SLC44A3: variants seen among roughly 807,000 people sequenced by gnomAD.
SLC44A3 encodes choline transporter-like protein 3.
In SLC44A3, 74 loss-of-function variants were observed where a neutral mutation model predicts 75.4. The ratio of observed to expected loss-of-function variants is 0.98; its 90% CI spans 0.81 to 1.19. The LOEUF is 1.19. Among genes scored for constraint, SLC44A3 ranks in the 50% most tolerant of loss-of-function variants. The probability of loss-of-function intolerance (pLI) is 0.00; values close to 1 mark genes in which losing one functional copy is unlikely to be tolerated. For missense variants in SLC44A3, 700 were observed against 778.6 expected, an observed-to-expected ratio of 0.90 and a Z score of 1.20; for synonymous variants, 310 against 296.9, an observed-to-expected ratio of 1.04 and a Z score of -0.45.
intron 9 of SLC44A3, among the ~76,000 whole-genome samples, chr1:94,848,815 T>C (rs1296919810): frequency 6.6e-6 from 1 of 152,072 alleles, no homozygotes; most frequent in Admixed American, 6.6e-5. Flanking sequence ...TGGGGAGCTA[T>C]GGGAACACCA....
intron 12 of SLC44A3, among the ~76,000 whole-genome samples, chr1:94,884,645 C>T (rs572238217): frequency 1.3e-5 from 2 of 152,264 alleles, no homozygotes; most frequent in African/African-American, 4.8e-5. Context: ...CTTCCCTCCA[C>T]TACGGAGGGA....
chr1:94,847,747 G>A (rs1664603342), intron 9 of SLC44A3, among the ~76,000 whole-genome samples: 1 of 152,200 alleles, frequency 6.6e-6, no homozygotes, highest in Non-Finnish European at 1.5e-5. Context: ...CAGTCCCCGT[G>A]TGATGTGGGT....
At position 94,827,646 on chromosome 1, in the gene SLC44A3, A is replaced by G; in HGVS notation, c.415+3A>G. On this transcript the variant is annotated splice_donor_region_variant and intron_variant, in intron 4 of 14. Coordinates refer to ENST00000271227, the MANE Select transcript of SLC44A3 (RefSeq NM_001114106.3). ...CCAGTTCTTTGCAAACACCAGTGGTAGGCACTAAGGCCTGGTTTGTTCTTT... is the reference window on the plus strand; with the variant it reads ...CCAGTTCTTTGCAAACACCAGTGGTGGGCACTAAGGCCTGGTTTGTTCTTT... 1 of 1,614,100 alleles carries G rather than the reference A, an allele frequency of 6.2e-7. No homozygotes were observed. The highest frequency in any genetic ancestry group is 1.1e-5 in the South Asian group (1 of 91,076).
intron 5 of SLC44A3, among the ~76,000 whole-genome samples, chr1:94,831,626 A>T (rs995799350): frequency 2.0e-5 from 3 of 152,196 alleles, no homozygotes; most frequent in African/African-American, 7.2e-5. Context: ...TCAACATGGT[A>T]ATGTATTTTG....
At chr1:94,894,553 CT>C (rs1226984471) in intron 14 of SLC44A3, among the ~76,000 whole-genome samples, 2 of 152,210 alleles carry the variant, frequency 1.3e-5, no homozygotes, top group East Asian at 3.9e-4. Flanking sequence ...TTAAACTCCC[CT>C]AAAAGTAATT....
rs1661063241 is a variant in SLC44A3 at position 94,824,640 on chromosome 1, G to A, written c.278+5G>A. On this transcript the variant is annotated splice_donor_5th_base_variant and intron_variant, in intron 3 of 14. Coordinates refer to ENST00000271227, the MANE Select transcript of SLC44A3 (RefSeq NM_001114106.3). ...GCAGGACATGACCCTAAAAAAGTAA[G>A]TATCTAAATAAGTCCCCAGTCTGTA... 1 of 1,570,530 alleles carries A rather than the reference G, an allele frequency of 6.4e-7. No individual in the cohort carries two copies. The highest frequency in any genetic ancestry group is 8.6e-7 in the Non-Finnish European group (1 of 1,163,954).
intron 8 of SLC44A3, among the ~76,000 whole-genome samples, chr1:94,843,894 G>A (rs940199397): frequency 1.3e-5 from 2 of 152,002 alleles, no homozygotes; most frequent in African/African-American, 4.8e-5. Flanking sequence ...GGGTGGTCAG[G>A]GAGGTTAAAT....
intron 1 of SLC44A3, 193 bp from the exon 2 acceptor site, chr1:94,820,756 G>T (rs993446914): frequency 2.1e-6 from 3 of 1,397,186 alleles, no homozygotes; most frequent in Non-Finnish European, 2.8e-6. Context: ...CTTAACATCC[G>T]CTCCGCGCAG....
chr1:94,839,925 A>G (rs748208307), intron 6 of SLC44A3, 23 bp from the exon 7 acceptor site: 5 of 1,573,088 alleles, frequency 3.2e-6, no homozygotes, highest in East Asian at 4.5e-5. Context: ...ATTGAGGTTT[A>G]TGTGTTTTGC....
chr1:94,860,205 A>G (rs2101336931), intron 10 of SLC44A3, among the ~76,000 whole-genome samples: 1 of 152,300 alleles, frequency 6.6e-6, no homozygotes, highest in Admixed American at 6.5e-5. Flanking sequence ...ATGTATTGCT[A>G]GGATCCCCTC....
chr1:94,843,895 G>A (rs1165741572), intron 8 of SLC44A3, among the ~76,000 whole-genome samples: 4 of 151,924 alleles, frequency 2.6e-5, no homozygotes, highest in Non-Finnish European at 5.9e-5. Flanking sequence ...GGTGGTCAGG[G>A]AGGTTAAATG....
intron 12 of SLC44A3, among the ~76,000 whole-genome samples, chr1:94,876,086 G>T (rs1463728586): frequency 6.6e-6 from 1 of 152,222 alleles, no homozygotes; most frequent in Admixed American, 6.5e-5. Context: ...GTTATTGTGT[G>T]CAGTGGACAC....
chr1:94,827,648 G>A lies in SLC44A3; in HGVS notation c.415+5G>A, dbSNP rs1661549798. 1 of 1,613,988 alleles carries A rather than the reference G, an allele frequency of 6.2e-7. No individual in the cohort carries two copies. Among genetic ancestry groups the A allele is most frequent in the Admixed American group, 1.7e-5 (1 of 60,004 alleles). On this transcript the variant is annotated splice_donor_5th_base_variant and intron_variant, in intron 4 of 14. Coordinates refer to ENST00000271227, the MANE Select transcript of SLC44A3 (RefSeq NM_001114106.3). Reference sequence around the variant, plus strand: ...AGTTCTTTGCAAACACCAGTGGTAGGCACTAAGGCCTGGTTTGTTCTTTTC... The same window carrying A: ...AGTTCTTTGCAAACACCAGTGGTAGACACTAAGGCCTGGTTTGTTCTTTTC...
intron 9 of SLC44A3, among the ~76,000 whole-genome samples, chr1:94,849,735 GTTGT>G (rs1342690258): frequency 2.6e-5 from 4 of 152,268 alleles, no homozygotes; most frequent in South Asian, 2.1e-4. Context: ...TACATAAATA[GTTGT>G]TTGTTTGTTT....
intron 10 of SLC44A3, among the ~76,000 whole-genome samples, chr1:94,861,708 C>G (rs1436475622): frequency 6.6e-6 from 1 of 152,156 alleles, no homozygotes; most frequent in Non-Finnish European, 1.5e-5. Flanking sequence ...TAAATATAGC[C>G]AGGGTGCATT....
At chr1:94,882,363 G>C (rs1173412210) in intron 12 of SLC44A3, among the ~76,000 whole-genome samples, 4 of 152,150 alleles carry the variant, frequency 2.6e-5, no homozygotes. Flanking sequence ...CTCACTAATA[G>C]GGACGAGCCC....
chr1:94,857,531 G>A, intron 10 of SLC44A3, 31 bp downstream of exon 10: 1 of 1,586,638 alleles, frequency 6.3e-7, no homozygotes, highest in Non-Finnish European at 8.6e-7. Flanking sequence ...CTATTGGTTT[G>A]TCTATGTGGT....
At chr1:94,888,128 T>C (rs1232189361) in intron 12 of SLC44A3, among the ~76,000 whole-genome samples, 1 of 152,196 alleles carries the variant, frequency 6.6e-6, no homozygotes, top group Admixed American at 6.5e-5. Context: ...AGAGGTTAGA[T>C]CATTTGCCCA....
chr1:94,863,610 A>T, intron 10 of SLC44A3, among the ~76,000 whole-genome samples: 1 of 152,240 alleles, frequency 6.6e-6, no homozygotes, highest in East Asian at 1.9e-4. Context: ...CTTCTAGTTT[A>T]TCAGATCTAA....
Sources: gnomAD v4.1 joint callset for allele counts (sites outside exome capture counted in the v4.1 genomes callset) on GRCh38, gnomAD v4.1.1 for gene constraint, MANE v1.5 for transcripts, NCBI Gene and HGNC (gene_info 2026-07-23, HGNC 2026-07-21) for gene names.